Variants in SERINC5 observed in about 807,000 individuals in gnomAD.
SERINC5 encodes the protein serine incorporator 5.
A neutral mutation model predicts 63.1 loss-of-function variants in SERINC5; 41 were observed. The observed-to-expected ratio is 0.65, with a 90% CI of 0.51 to 0.84. SERINC5 has a LOEUF of 0.84. Ranked by LOEUF, SERINC5 falls within the 40% of genes least tolerant of loss-of-function variation. SERINC5 has a pLI of 0.00. For missense variants in SERINC5, 523 were observed against 573.0 expected (o/e 0.91, Z 0.89); for synonymous variants, 222 against 215.2 (o/e 1.03, Z -0.28).
At chr5:80,247,982 G>C (rs1274497040) in intron 1 of SERINC5, among the ~76,000 whole-genome samples, 1 of 151,986 alleles carries the variant, frequency 6.6e-6, no homozygotes, top group Non-Finnish European at 1.5e-5. Context: ...CCAAGTAGCT[G>C]GGACTATATA....
intron 3 of SERINC5, 62 bp downstream of exon 3, chr5:80,177,824 T>C (rs1191390044): frequency 9.1e-6 from 12 of 1,313,546 alleles, no homozygotes; most frequent in Non-Finnish European, 1.2e-5. Context: ...GATGGGATCC[T>C]GGACTACTGT....
chr5:80,200,318 A>AAT (rs1749748686), intron 2 of SERINC5, among the ~76,000 whole-genome samples: 3 of 129,156 alleles, frequency 2.3e-5, no homozygotes, highest in Non-Finnish European at 5.0e-5. Flanking sequence ...TCTACTAAAA[A>AAT]ATACAAAAAA....
chr5:80,254,171 G>A lies in SERINC5; in HGVS notation c.27+1725C>T, dbSNP rs566317005. On this transcript the variant is annotated intron_variant, in intron 1 of 11. Coordinates refer to ENST00000507668, the MANE Select transcript of SERINC5 (RefSeq NM_001174072.3). ...ACTCCTGATCTCAGGTGATCCGCCC[G>A]CCTCTGCCTCCCAAAGTGCTGGGAT... is the stretch of plus-strand genomic sequence containing the variant. Among the ~76,000 whole-genome samples, 188 of 152,206 alleles carry A rather than the reference G, an allele frequency of 1.2e-3. 1 individual carries two copies. The highest frequency in any genetic ancestry group is 3.7e-3 in the African/African-American group (155 of 41,530).
At chr5:80,116,930 C>T (rs1744348364) in intron 11 of SERINC5, among the ~76,000 whole-genome samples, 1 of 151,718 alleles carries the variant, frequency 6.6e-6, no homozygotes, top group Non-Finnish European at 1.5e-5. Flanking sequence ...CCAGGTTCAA[C>T]TGATTCTCCT....
At chr5:80,174,128 A>G (rs1050134157) in intron 5 of SERINC5, among the ~76,000 whole-genome samples, 10 of 152,038 alleles carry the variant, frequency 6.6e-5, no homozygotes, top group Admixed American at 1.3e-4. Flanking sequence ...TGGGAGGCCA[A>G]GGCAGAAGGA....
intron 11 of SERINC5, among the ~76,000 whole-genome samples, chr5:80,119,416 ATTAGAGG>A (rs1744456252): frequency 6.6e-6 from 1 of 152,192 alleles, no homozygotes; most frequent in Non-Finnish European, 1.5e-5. Context: ...AAAGGAGCGA[ATTAGAGG>A]CACCCAATAG....
At chr5:80,245,323 G>A (rs919281574) in intron 1 of SERINC5, among the ~76,000 whole-genome samples, 1 of 152,170 alleles carries the variant, frequency 6.6e-6, no homozygotes. Flanking sequence ...AGCCCATTCA[G>A]GAAAGAGGAC....
chr5:80,203,154 G>A (rs1392420187), intron 1 of SERINC5, 101 bp from the exon 2 acceptor site: 44 of 1,199,960 alleles, frequency 3.7e-5, no homozygotes, highest in African/African-American at 6.1e-5. Flanking sequence ...CCTGCTACTC[G>A]GGGGGCTGGA....
At chr5:80,229,050 T>TGGGGCGGGG (rs1174325559) in intron 1 of SERINC5, among the ~76,000 whole-genome samples, 2 of 94,104 alleles carry the variant, frequency 2.1e-5, no homozygotes, top group Admixed American at 1.3e-4. Flanking sequence ...TTTTTTTTTT[T>TGGGGCGGGG]GGGGATGGAG....
intron 1 of SERINC5, among the ~76,000 whole-genome samples, chr5:80,213,607 C>T (rs937839614): frequency 1.3e-5 from 2 of 152,182 alleles, no homozygotes; most frequent in South Asian, 4.1e-4. Context: ...AATTTTTCTT[C>T]CCTGCCCCTG....
At chr5:80,250,539 G>A (rs535177205) in intron 1 of SERINC5, among the ~76,000 whole-genome samples, 23 of 152,232 alleles carry the variant, frequency 1.5e-4, no homozygotes, top group South Asian at 4.1e-4. Flanking sequence ...ACAGGGTTTC[G>A]CCATGTTGGC....
chr5:80,183,616 T>G (rs1580128806), intron 2 of SERINC5, among the ~76,000 whole-genome samples: 2 of 152,286 alleles, frequency 1.3e-5, no homozygotes, highest in African/African-American at 4.8e-5. Flanking sequence ...TTGTGATTTG[T>G]TCCTGCCCCA....
chr5:80,255,527 C>T (rs976855794), intron 1 of SERINC5, among the ~76,000 whole-genome samples: 3 of 152,150 alleles, frequency 2.0e-5, no homozygotes, highest in African/African-American at 4.8e-5. Context: ...TGGATTCATC[C>T]GACAAGCAGA....
intron 1 of SERINC5, among the ~76,000 whole-genome samples, chr5:80,231,883 C>T (rs1191395467): frequency 6.6e-6 from 1 of 151,210 alleles, no homozygotes; most frequent in Non-Finnish European, 1.5e-5. Flanking sequence ...GGAGGATTAC[C>T]TGAGCCCAAG....
chr5:80,221,408 A>G (rs1250975753), intron 1 of SERINC5, among the ~76,000 whole-genome samples: 1 of 152,182 alleles, frequency 6.6e-6, no homozygotes, highest in African/African-American at 2.4e-5. Flanking sequence ...GTGCGATCAC[A>G]CACGACTTCA....
intron 2 of SERINC5, among the ~76,000 whole-genome samples, chr5:80,189,182 C>T (rs1001007909): frequency 1.3e-5 from 2 of 152,058 alleles, no homozygotes; most frequent in Admixed American, 1.3e-4. Flanking sequence ...GCCAAACTCT[C>T]CATAAGAAGG....
At chr5:80,214,849 A>G (rs959066812) in intron 1 of SERINC5, among the ~76,000 whole-genome samples, 1 of 152,174 alleles carries the variant, frequency 6.6e-6, no homozygotes, top group African/African-American at 2.4e-5. Context: ...GTGAGCCAAG[A>G]TCATGCCATT....
intron 1 of SERINC5, among the ~76,000 whole-genome samples, chr5:80,254,890 C>T (rs1354775947): frequency 6.6e-6 from 1 of 151,970 alleles, no homozygotes; most frequent in Non-Finnish European, 1.5e-5. Flanking sequence ...TACAGAAACC[C>T]ACAGTTTAAC....
At chr5:80,147,657 C>T (rs1580062151) in intron 9 of SERINC5, among the ~76,000 whole-genome samples, 1 of 152,120 alleles carries the variant, frequency 6.6e-6, no homozygotes, top group Admixed American at 6.5e-5. Context: ...TCAACTTCAC[C>T]CTCTGCCCAA....
Sources: gnomAD v4.1 joint callset for allele counts (sites outside exome capture counted in the v4.1 genomes callset) on GRCh38, gnomAD v4.1.1 for gene constraint, MANE v1.5 for transcripts, NCBI Gene and HGNC (gene_info 2026-07-23, HGNC 2026-07-21) for gene names.